The following FIRRM variants were observed in gnomAD, a reference collection of about 807,000 sequenced individuals.
FIRRM encodes FIGNL1 interacting regulator of recombination and mitosis, also known as FIGNL1-interacting regulator of recombination and mitosis.
At chr1:169,807,292 A>C in the FIRRM span, among the ~76,000 whole-genome samples, 2 of 152,168 alleles carry the variant, frequency 1.3e-5, no homozygotes, top group Non-Finnish European at 2.9e-5. Flanking sequence ...TTCTCAGCTT[A>C]AGAGTTATAT....
the FIRRM span, among the ~76,000 whole-genome samples, chr1:169,808,405 G>C: frequency 6.6e-6 from 1 of 152,036 alleles, no homozygotes; most frequent in East Asian, 1.9e-4. Flanking sequence ...TGAAAAGTTA[G>C]AGTGTTGAAT....
chr1:169,793,144 C>T, the FIRRM span: 2 of 1,614,206 alleles, frequency 1.2e-6, no homozygotes, highest in Middle Eastern at 1.6e-4. Context: ...CAGCAAATTT[C>T]ACTTTGGCCT....
chr1:169,843,732 T>A, the FIRRM span: 3 of 1,611,922 alleles, frequency 1.9e-6, no homozygotes, highest in Non-Finnish European at 2.5e-6. Flanking sequence ...CTGTTGGGAT[T>A]TTTCATTCAA....
the FIRRM span, chr1:169,853,415 A>T: frequency 4.5e-3 from 1,747 of 384,676 alleles, 9 homozygotes; most frequent in Non-Finnish European, 6.5e-3. Flanking sequence ...ATTGTCCTGG[A>T]AAAAGCAGTA....
the FIRRM span, among the ~76,000 whole-genome samples, chr1:169,835,266 A>C: frequency 6.6e-6 from 1 of 152,190 alleles, no homozygotes; most frequent in Admixed American, 6.6e-5. Flanking sequence ...CTATGATGCT[A>C]ATTTGGAAGA....
the FIRRM span, chr1:169,854,015 A>G: frequency 1.7e-6 from 1 of 584,786 alleles, no homozygotes; most frequent in South Asian, 2.4e-5. Context: ...GATGACACCA[A>G]ATCCTTATTT....
chr1:169,803,141 T>G, the FIRRM span: 1 of 1,608,806 alleles, frequency 6.2e-7, no homozygotes. Context: ...AAATATATTC[T>G]AAGTGAAATT....
chr1:169,846,034 T>G, the FIRRM span, among the ~76,000 whole-genome samples: 2 of 152,210 alleles, frequency 1.3e-5, no homozygotes, highest in Admixed American at 1.3e-4. Flanking sequence ...TCACAATTAT[T>G]CCTTGATTGA....
chr1:169,821,882 T>C, the FIRRM span: 2 of 542,632 alleles, frequency 3.7e-6, no homozygotes, highest in Non-Finnish European at 6.4e-6. Context: ...AAGTCACATA[T>C]CTAGAAACCG....
At chr1:169,798,988 T>A in the FIRRM span, 1 of 957,556 alleles carries the variant, frequency 1.0e-6, no homozygotes, top group Non-Finnish European at 1.6e-6. Context: ...CTGTATGATG[T>A]ACTTTGATGT....
the FIRRM span, among the ~76,000 whole-genome samples, chr1:169,805,597 C>CA: frequency 6.6e-6 from 1 of 152,146 alleles, no homozygotes; most frequent in South Asian, 2.1e-4. Flanking sequence ...CTACCACAGA[C>CA]TGAGTAAAAG....
the FIRRM span, among the ~76,000 whole-genome samples, chr1:169,785,278 T>C: frequency 6.6e-6 from 1 of 152,102 alleles, no homozygotes; most frequent in Admixed American, 6.5e-5. Context: ...TGTCTAGAGG[T>C]GGGTGCCTGC....
At chr1:169,842,682 C>T in the FIRRM span, 21 of 885,892 alleles carry the variant, frequency 2.4e-5, no homozygotes, top group Non-Finnish European at 3.3e-5. Context: ...CTTAAAGTAC[C>T]TGTACTCTCT....
At chr1:169,792,533 T>C in the FIRRM span, 1 of 1,427,046 alleles carries the variant, frequency 7.0e-7, no homozygotes. Flanking sequence ...CTCAAATTTT[T>C]GGTCCTTCTG....
the FIRRM span, among the ~76,000 whole-genome samples, chr1:169,837,344 A>G: frequency 6.6e-6 from 1 of 152,196 alleles, no homozygotes; most frequent in Non-Finnish European, 1.5e-5. Context: ...CGCTTAAGGT[A>G]TGTTGAGACA....
At chr1:169,799,402 G>C in the FIRRM span, among the ~76,000 whole-genome samples, 2 of 152,166 alleles carry the variant, frequency 1.3e-5, no homozygotes, top group Non-Finnish European at 2.9e-5. Flanking sequence ...GTCTTCATCA[G>C]TCTTACTTGA....
At chr1:169,796,084 A>AG in the FIRRM span, 2 of 493,228 alleles carry the variant, frequency 4.1e-6, no homozygotes, top group Non-Finnish European at 5.3e-6. Context: ...GAGAATCTCA[A>AG]TACTGCACAA....
chr1:169,795,297 C>T, the FIRRM span: 2 of 1,457,248 alleles, frequency 1.4e-6, no homozygotes, highest in Non-Finnish European at 9.2e-7. Flanking sequence ...TCAGACCCAC[C>T]GCCAGGCTGG....
At chr1:169,809,799 T>C in the FIRRM span, among the ~76,000 whole-genome samples, 1 of 152,202 alleles carries the variant, frequency 6.6e-6, no homozygotes, top group Non-Finnish European at 1.5e-5. Context: ...CAAATTCTGA[T>C]CAGCGACGCC....
Sources: gnomAD v4.1 joint callset for allele counts (sites outside exome capture counted in the v4.1 genomes callset) on GRCh38, gnomAD v4.1.1 for gene constraint, MANE v1.5 for transcripts, NCBI Gene and HGNC (gene_info 2026-07-23, HGNC 2026-07-21) for gene names.